Variants in ZBTB10 observed in about 807,000 individuals in gnomAD.
The protein encoded by ZBTB10 is zinc finger and BTB domain-containing protein 10.
ZBTB10 carries 32 observed loss-of-function variants against 76.4 expected under a neutral mutation model. That is an observed-to-expected ratio of 0.42 (90% CI 0.32 to 0.56). The LOEUF (loss-of-function observed/expected upper bound fraction) is 0.56. Ranked by LOEUF, ZBTB10 falls within the 20% of genes least tolerant of loss-of-function variation. The pLI, the probability that ZBTB10 is intolerant of heterozygous loss-of-function variation, is 0.14. For missense variants in ZBTB10, 1,057 were observed against 1,098.5 expected (o/e 0.96, Z 0.53); for synonymous variants, 523 against 432.9 (o/e 1.21, Z -2.58).
chr8:80,497,683 C>CT (rs397891910), intron 1 of ZBTB10, among the ~76,000 whole-genome samples: 7,848 of 87,520 alleles, frequency 0.09, 561 homozygotes, highest in Non-Finnish European at 0.1. Flanking sequence ...GTCCTGGAAT[C>CT]TTTTTTTTTT....
intron 2 of ZBTB10, among the ~76,000 whole-genome samples, chr8:80,501,252 C>T (rs1048262067): frequency 6.6e-6 from 1 of 152,212 alleles, no homozygotes; most frequent in African/African-American, 2.4e-5. Flanking sequence ...GCATTCATTG[C>T]AAAGCCTCTG....
intron 5 of ZBTB10, 132 bp downstream of exon 5, chr8:80,519,086 T>C (rs976344258): frequency 2.1e-6 from 3 of 1,399,216 alleles, no homozygotes; most frequent in South Asian, 3.0e-5. Flanking sequence ...AGTTTGACTT[T>C]ATGAACTGAT....
chr8:80,519,815 G>A lies in ZBTB10; in HGVS notation c.*287G>A. ...TATAGGATATACAGTAACTATTTGG[G>A]TCCTATGAAAATAGTCCTTAAAGAG... On this transcript the variant is annotated 3_prime_UTR_variant, in exon 6 of 6. Coordinates refer to ENST00000455036, the MANE Select transcript of ZBTB10 (RefSeq NM_001105539.3). 1 of 249,110 alleles carries A rather than the reference G, an allele frequency of 4.0e-6. No homozygotes were observed. The highest frequency in any genetic ancestry group is 7.8e-6 in the Non-Finnish European group (1 of 127,922). 15.4% of individuals were successfully genotyped at this position (249,110 alleles called of 1,614,324 possible). A position where few individuals can be genotyped will look rare whatever the true frequency, so the allele number is the denominator to read the frequency against.
chr8:80,486,587 T>C lies in ZBTB10; in HGVS notation c.-224T>C. Reference sequence around the variant, plus strand: ...GCGGGGGTGGAGGACGAGAGAGCGGTCGGAGGCGTCGGCCCGGCAGCGGCA... The same window carrying C: ...GCGGGGGTGGAGGACGAGAGAGCGGCCGGAGGCGTCGGCCCGGCAGCGGCA... On this transcript the variant is annotated 5_prime_UTR_variant, in exon 1 of 6. Coordinates refer to ENST00000455036, the MANE Select transcript of ZBTB10 (RefSeq NM_001105539.3). 1 of 985,118 alleles carries C rather than the reference T, an allele frequency of 1.0e-6. No homozygotes were observed. The highest frequency in any genetic ancestry group is 1.8e-5 in the African/African-American group (1 of 56,516). 61.0% of individuals were successfully genotyped at this position (985,118 alleles called of 1,614,324 possible).
chr8:80,498,610 G>A (rs1399075429), intron 1 of ZBTB10, among the ~76,000 whole-genome samples: 2 of 152,200 alleles, frequency 1.3e-5, no homozygotes, highest in African/African-American at 4.8e-5. Context: ...ACTAACATTT[G>A]TAATACTGAC....
upstream of ZBTB10, chr8:80,485,772 C>T (rs961745194): frequency 8.5e-6 from 13 of 1,533,978 alleles, no homozygotes; most frequent in Non-Finnish European, 1.1e-5. Context: ...CACCGCCACC[C>T]ACCCTCAGCA....
In ZBTB10 at chr8:80,518,562, A is replaced by C; in HGVS notation, c.2120A>C (p.Gln707Pro). The change falls in exon 4 of 6, where the codon CAA (glutamine) becomes CCA (proline). Residue 707 changes from glutamine (Q) to proline (P), a missense_variant. Gln to Pro is a moderately conservative substitution (Grantham distance 76). Transcript: ENST00000455036. ...YGLLPESWPK[Q>P]ETWENGESSL... Reference sequence around the variant, plus strand: ...TTATTGCCAGAATCTTGGCCAAAACAAGAAACCTGGGAAAATGGCAAGTAT... The same window carrying C: ...TTATTGCCAGAATCTTGGCCAAAACCAGAAACCTGGGAAAATGGCAAGTAT... The C allele has an allele frequency of 6.4e-7, 1 of 1,550,394 alleles. No individual in the cohort carries two copies. The highest frequency in any genetic ancestry group is 8.7e-7 in the Non-Finnish European group (1 of 1,147,074).
rs1815464881 is a variant in ZBTB10, at chr8:80,486,653, A to AGCCGGGCT, written c.-150_-143dup. Reference sequence around the variant, plus strand: ...TGCAGCAGACCCGGGAGCGAGCGCGAGCCGGGCTGCCGGGCGAGAGGGCGA... The same window carrying AGCCGGGCT: ...TGCAGCAGACCCGGGAGCGAGCGCGAGCCGGGCTGCCGGGCTGCCGGGCGAGAGGGCGA... On this transcript the variant is annotated 5_prime_UTR_variant, in exon 1 of 6. Coordinates refer to ENST00000455036, the MANE Select transcript of ZBTB10 (RefSeq NM_001105539.3). The AGCCGGGCT allele has an allele frequency of 2.0e-6, 2 of 982,768 alleles. No individual in the cohort carries two copies. The highest frequency in any genetic ancestry group is 1.8e-5 in the African/African-American group (1 of 55,948). The allele number at this position is 982,768 out of a possible 1,614,324, so 60.9% of individuals were successfully genotyped here.
chr8:80,513,828 A>G (rs1816258579), intron 2 of ZBTB10, 82 bp from the exon 3 acceptor site: 1 of 1,089,022 alleles, frequency 9.2e-7, no homozygotes, highest in Non-Finnish European at 1.4e-6. Flanking sequence ...TTTATTTAAG[A>G]AACAGTTCCA....
chr8:80,512,875 T>G (rs1328375085), intron 2 of ZBTB10, among the ~76,000 whole-genome samples: 1 of 152,094 alleles, frequency 6.6e-6, no homozygotes, highest in East Asian at 1.9e-4. Context: ...TTTTTCTGCT[T>G]GCCCCACCTA....
At position 80,521,225 on chromosome 8, in the gene ZBTB10, A is replaced by G. The variant is rs1396643795; in HGVS notation, c.*1697A>G. 1 of 151,864 alleles carries G rather than the reference A, an allele frequency of 6.6e-6. No homozygotes were observed. The highest frequency in any genetic ancestry group is 2.4e-5 in the African/African-American group (1 of 41,430). The allele number at this position is 151,864 out of a possible 1,614,324, so 9.4% of individuals were successfully genotyped here. On this transcript the variant is annotated 3_prime_UTR_variant, in exon 6 of 6. Transcript: ENST00000455036. ...AGATAAATTACAGTTACATGGTTAG[A>G]TGCATCTTTTGTCATCTATATTGTA...
rs543346106 is a variant in ZBTB10, at chr8:80,524,096, C to T, written c.*4568C>T. On this transcript the variant is annotated 3_prime_UTR_variant, in exon 6 of 6. Coordinates refer to ENST00000455036, the MANE Select transcript of ZBTB10 (RefSeq NM_001105539.3). Reference sequence around the variant, plus strand: ...GAATTTTATTGACTGACATTTAATTCAGATTTCTTTGCAAGTGTACTAATT... The same window carrying T: ...GAATTTTATTGACTGACATTTAATTTAGATTTCTTTGCAAGTGTACTAATT... 4.6e-5 allele frequency: 7 copies of T among 152,118 alleles called. No homozygotes were observed. The highest frequency in any genetic ancestry group is 1.7e-4 in the African/African-American group (7 of 41,546). 9.4% of individuals were successfully genotyped at this position (152,118 alleles called of 1,614,324 possible).
At chr8:80,511,382 C>G (rs562092371) in intron 2 of ZBTB10, among the ~76,000 whole-genome samples, 3 of 152,318 alleles carry the variant, frequency 2.0e-5, no homozygotes, top group Non-Finnish European at 4.4e-5. Flanking sequence ...TGGAAACCCA[C>G]TTGGCAGAAT....
At chr8:80,511,554 T>A (rs188199083) in intron 2 of ZBTB10, among the ~76,000 whole-genome samples, 1 of 152,340 alleles carries the variant, frequency 6.6e-6, no homozygotes, top group East Asian at 1.9e-4. Flanking sequence ...GTGGTGTGAT[T>A]GTAGCTCACT....
chr8:80,487,302 G>C lies in ZBTB10; in HGVS notation c.492G>C (p.Glu164Asp). The C allele has an allele frequency of 6.5e-7, 1 of 1,545,778 alleles. No homozygotes were observed. Among genetic ancestry groups the C allele is most frequent in the Non-Finnish European group, 8.7e-7 (1 of 1,144,594 alleles). Residue 164 changes from glutamate to aspartate, a missense_variant, in exon 1 of 6, where the codon GAG becomes GAC. Physicochemically the swap from Glu to Asp is conservative, Grantham distance 45. Around this residue, in one of 5 missense-constraint regions of ZBTB10, gnomAD observed 556 missense variants for 451.7 expected, o/e 1.23. Transcript: ENST00000455036. ...NGRGPATVDL[E>D]LDALEGKELM... ...GAGGGCCGGCGACTGTGGATCTGGA[G>C]CTGGACGCGCTGGAGGGGAAGGAGT...
rs1815449432 is a variant in ZBTB10 at position 80,486,369 on chromosome 8, C to T, written c.-442C>T. 1.5e-5 allele frequency: 15 copies of T among 990,022 alleles called. No homozygotes were observed. The highest frequency in any genetic ancestry group is 1.8e-5 in the African/African-American group (1 of 56,930). The allele number at this position is 990,022 out of a possible 1,614,324, so 61.3% of individuals were successfully genotyped here. The stretch of plus-strand genomic sequence containing the variant: ...CGAAGCCGGCGGCGGCGTCGGGACT[C>T]CTCGGCGCGCGGAGGAAGGATATCT... On this transcript the variant is annotated 5_prime_UTR_variant, in exon 1 of 6. Transcript: ENST00000455036.
Position 80,486,935 on chromosome 8 carries a change from C to G in ZBTB10, c.125C>G (p.Pro42Arg). 6.6e-7 allele frequency: 1 copy of G among 1,513,052 alleles called. No individual in the cohort carries two copies. The highest frequency in any genetic ancestry group is 8.8e-7 in the Non-Finnish European group (1 of 1,134,764). The allele number at this position is 1,513,052 out of a possible 1,614,324, so 93.7% of individuals were successfully genotyped here. ...GAGGCCTCAGCTTGGCCTCCGCAGC[C>G]CCAGCCGAGACAGCCCCCGCCGCCA... ...GGEASAWPPQPQPRQPPPPAP... is the reference protein window; with the variant it reads ...GGEASAWPPQRQPRQPPPPAP... The change falls in exon 1 of 6, where the codon CCC (proline) becomes CGC (arginine). Residue 42 changes from proline to arginine, a missense_variant. Pro to Arg is a moderately radical substitution (Grantham distance 103). This residue lies in a region of ZBTB10 where 556 missense variants were observed against 451.7 expected (regional missense o/e 1.23). Coordinates refer to ENST00000455036, the MANE Select transcript of ZBTB10 (RefSeq NM_001105539.3).
Position 80,487,595 on chromosome 8 carries a change from G to A in ZBTB10, c.785G>A (p.Arg262His). 6.2e-7 allele frequency: 1 copy of A among 1,613,560 alleles called. No homozygotes were observed. Among genetic ancestry groups the A allele is most frequent in the Non-Finnish European group, 8.5e-7 (1 of 1,179,712 alleles). Residue 262 changes from arginine to histidine, a missense_variant, in exon 1 of 6, where the codon CGC (arginine) becomes CAC (histidine). By Grantham distance (29) the Arg-to-His change is conservative. This residue lies in a region of ZBTB10 where 556 missense variants were observed against 451.7 expected (regional missense o/e 1.23). Coordinates refer to ENST00000455036, the MANE Select transcript of ZBTB10 (RefSeq NM_001105539.3). ...TSWLKDFPWL[R>H]YSKDTGLMSC... ...TGGCTCAAGGACTTTCCCTGGCTGC[G>A]CTATTCCAAGGATACTGGTCTTATG...
chr8:80,505,915 A>ATT lies in ZBTB10; in HGVS notation c.1861+5556_1861+5557dup, dbSNP rs58176444. 3.2e-4 allele frequency among the ~76,000 whole-genome samples: 42 copies of ATT among 131,966 alleles called. No individual in the cohort carries two copies. In the East Asian group the frequency reaches 3.7e-3, roughly 12 times the overall value. 86.6% of individuals were successfully genotyped at this position (131,966 alleles called of 152,430 possible). On this transcript the variant is annotated intron_variant, in intron 2 of 5. Transcript: ENST00000455036. ...GGGCGTGCACCACTATGCCTGGCTA[A>ATT]TTTTTTTTTTTTTTTTTTTTTTTTA...
Sources: gnomAD v4.1 joint callset for allele counts (sites outside exome capture counted in the v4.1 genomes callset) on GRCh38, gnomAD v4.1.1 for gene constraint, gnomAD v4.1.1 regional missense constraint, MANE v1.5 for transcripts, NCBI Gene and HGNC (gene_info 2026-07-23, HGNC 2026-07-21) for gene names.